PARD3: variants seen among roughly 807,000 people sequenced by gnomAD.
The protein encoded by PARD3 is par-3 family cell polarity regulator.
In PARD3, 75 loss-of-function variants were observed where a neutral mutation model predicts 155.4. The observed-to-expected ratio is 0.48, with a 90% CI of 0.40 to 0.58. PARD3 has a LOEUF of 0.58. PARD3 is among the 20% of genes least tolerant of loss of function. PARD3 has a pLI of 0.00. For missense variants in PARD3, 1,642 were observed against 1,721.7 expected (o/e 0.95, Z 0.82); for synonymous variants, 576 against 610.5 (o/e 0.94, Z 0.83).
At chr10:34,374,434 A>G (rs1841014156) in intron 11 of PARD3, among the ~76,000 whole-genome samples, 1 of 152,122 alleles carries the variant, frequency 6.6e-6, no homozygotes, top group Non-Finnish European at 1.5e-5. Context: ...ATTCCTTTTC[A>G]TACAACAGTA....
At chr10:34,364,513 T>C (rs1055079619) in intron 12 of PARD3, among the ~76,000 whole-genome samples, 1 of 152,038 alleles carries the variant, frequency 6.6e-6, no homozygotes, top group African/African-American at 2.4e-5. Flanking sequence ...CTCCATAACC[T>C]TGAACTCCTG....
At chr10:34,379,554 C>G (rs1241643621) in intron 9 of PARD3, among the ~76,000 whole-genome samples, 1 of 152,084 alleles carries the variant, frequency 6.6e-6, no homozygotes, top group East Asian at 1.9e-4. Flanking sequence ...TAATTACTCT[C>G]CTTTTGCAAT....
intron 1 of PARD3, among the ~76,000 whole-genome samples, chr10:34,731,735 C>T (rs2094821730): frequency 6.6e-6 from 1 of 152,148 alleles, no homozygotes; most frequent in Non-Finnish European, 1.5e-5. Context: ...CCTTCTTCCA[C>T]AGTCTCCTAG....
intron 2 of PARD3, among the ~76,000 whole-genome samples, chr10:34,537,407 A>G (rs937113332): frequency 6.6e-6 from 1 of 152,242 alleles, no homozygotes. Context: ...CTGGTGAAGA[A>G]TGAGAGAGCC....
chr10:34,123,684 C>A (rs184772832), intron 23 of PARD3, among the ~76,000 whole-genome samples: 246 of 152,244 alleles, frequency 1.6e-3, no homozygotes, highest in African/African-American at 5.5e-3. Flanking sequence ...ATCCTCCCAC[C>A]TTTGCCTCCC....
At chr10:34,429,668 C>T (rs759111391) in intron 5 of PARD3, among the ~76,000 whole-genome samples, 1 of 152,130 alleles carries the variant, frequency 6.6e-6, no homozygotes, top group South Asian at 2.1e-4. Context: ...TCACCACAAC[C>T]TCCGCCTCCC....
At chr10:34,738,058 C>T (rs151093828) in intron 1 of PARD3, among the ~76,000 whole-genome samples, 1 of 152,334 alleles carries the variant, frequency 6.6e-6, no homozygotes, top group Non-Finnish European at 1.5e-5. Flanking sequence ...GGTCTTACTA[C>T]AGGCAATACC....
At chr10:34,444,872 C>G (rs571320023) in intron 5 of PARD3, among the ~76,000 whole-genome samples, 2 of 152,242 alleles carry the variant, frequency 1.3e-5, no homozygotes, top group Non-Finnish European at 2.9e-5. Flanking sequence ...ACTGGAAAAG[C>G]TGATAAGGTC....
rs397846339 is a variant in PARD3, at chr10:34,687,846, C to CTTTTTTTTTTTTTTTTTTTTTT, written c.222+8450_222+8471dup. 4.7e-5 allele frequency among the ~76,000 whole-genome samples: 3 copies of CTTTTTTTTTTTTTTTTTTTTTT among 63,722 alleles called. 1 individual carries two copies. Among genetic ancestry groups the CTTTTTTTTTTTTTTTTTTTTTT allele is most frequent in the African/African-American group, 2.2e-4 (3 of 13,806 alleles). 41.8% of individuals were successfully genotyped at this position (63,722 alleles called of 152,430 possible). ...ATGCCCGGTCAGTTACACCTGAAATCTTTTTTTTTTTTTTTTTTTTTTTTT... is the reference window on the plus strand; with the variant it reads ...ATGCCCGGTCAGTTACACCTGAAATCTTTTTTTTTTTTTTTTTTTTTTTTTTTTTTTTTTTTTTTTTTTTTTT... On this transcript the variant is annotated intron_variant, in intron 2 of 24. Coordinates refer to ENST00000374788, the MANE Select transcript of PARD3 (RefSeq NM_001184785.2).
intron 22 of PARD3, among the ~76,000 whole-genome samples, chr10:34,167,306 T>G (rs1460778150): frequency 6.6e-6 from 1 of 152,178 alleles, no homozygotes; most frequent in Non-Finnish European, 1.5e-5. Context: ...CAACCATCGT[T>G]GCACGGGTCT....
At chr10:34,339,415 T>C (rs1836555040) in intron 16 of PARD3, among the ~76,000 whole-genome samples, 1 of 152,170 alleles carries the variant, frequency 6.6e-6, no homozygotes, top group Non-Finnish European at 1.5e-5. Flanking sequence ...ACCAAACTTG[T>C]AAACAGAATG....
intron 3 of PARD3, among the ~76,000 whole-genome samples, chr10:34,504,892 T>C (rs2080957488): frequency 6.6e-6 from 1 of 152,192 alleles, no homozygotes; most frequent in African/African-American, 2.4e-5. Context: ...AGGAGAGATC[T>C]ATATCAAGTG....
At chr10:34,424,038 CCTTTT>C (rs2075457570) in intron 5 of PARD3, among the ~76,000 whole-genome samples, 1 of 152,036 alleles carries the variant, frequency 6.6e-6, no homozygotes, top group Admixed American at 6.5e-5. Context: ...CCTTAAATTC[CCTTTT>C]ATTTTTAAGG....
chr10:34,316,007 G>A (rs781327499), intron 20 of PARD3, among the ~76,000 whole-genome samples: 1 of 152,122 alleles, frequency 6.6e-6, no homozygotes, highest in Admixed American at 6.5e-5. Context: ...ATGGTTCCTC[G>A]ACTTTCCAGG....
intron 2 of PARD3, among the ~76,000 whole-genome samples, chr10:34,589,043 C>T (rs1013494465): frequency 2.6e-5 from 4 of 152,146 alleles, no homozygotes; most frequent in Non-Finnish European, 5.9e-5. Context: ...CATAGTGATA[C>T]CCTGTCTCTC....
chr10:34,632,271 T>G (rs1196084515), intron 2 of PARD3, among the ~76,000 whole-genome samples: 1 of 152,132 alleles, frequency 6.6e-6, no homozygotes, highest in East Asian at 1.9e-4. Flanking sequence ...AAAGAGGACC[T>G]CAGCAGTGGA....
At chr10:34,509,815 C>T (rs1435758265) in intron 3 of PARD3, among the ~76,000 whole-genome samples, 2 of 152,182 alleles carry the variant, frequency 1.3e-5, no homozygotes, top group Non-Finnish European at 2.9e-5. Context: ...AAAAAAGCAT[C>T]ACCTGTCCTG....
At chr10:34,650,204 A>T (rs2092964037) in intron 2 of PARD3, among the ~76,000 whole-genome samples, 2 of 152,260 alleles carry the variant, frequency 1.3e-5, no homozygotes, top group Non-Finnish European at 2.9e-5. Context: ...AGCACCATGC[A>T]CCGTGCACAA....
intron 4 of PARD3, among the ~76,000 whole-genome samples, chr10:34,457,984 T>A (rs988154362): frequency 2.0e-5 from 3 of 152,098 alleles, no homozygotes; most frequent in Non-Finnish European, 4.4e-5. Flanking sequence ...ATGACAAAAA[T>A]TTCTGATATC....
Sources: gnomAD v4.1 joint callset for allele counts (sites outside exome capture counted in the v4.1 genomes callset) on GRCh38, gnomAD v4.1.1 for gene constraint, MANE v1.5 for transcripts, NCBI Gene and HGNC (gene_info 2026-07-23, HGNC 2026-07-21) for gene names.